The following FBN1 variants were observed in gnomAD, a reference collection of about 807,000 sequenced individuals.
FBN1 encodes fibrillin-1.
FBN1 carries 29 observed loss-of-function variants against 365.1 expected under a neutral mutation model. The observed-to-expected ratio is 0.08, with a 90% CI of 0.06 to 0.11. The LOEUF (loss-of-function observed/expected upper bound fraction) is 0.11. Ranked by LOEUF, FBN1 falls within the 10% of genes least tolerant of loss-of-function variation. FBN1 has a pLI of 1.00. For synonymous variants in FBN1, 1,210 were observed against 1,270.5 expected (o/e 0.95, Z 1.01); for missense variants, 2,476 against 3,703.2 (o/e 0.67, Z 8.60).
Position 48,518,398 on chromosome 15 carries a change from T to C in FBN1, c.1148-2036A>G, listed in dbSNP as rs542214901. 2.6e-5 allele frequency among the ~76,000 whole-genome samples: 4 copies of C among 152,370 alleles called. No homozygotes were observed. In the East Asian group the frequency reaches 7.7e-4, roughly 29 times the overall value. On this transcript the variant is annotated intron_variant, in intron 10 of 65. Coordinates refer to ENST00000316623, the MANE Select transcript of FBN1 (RefSeq NM_000138.5). Reference sequence around the variant, plus strand: ...CAGGAATTCATTAACTATGTGTTAATTTTATTAAATGACAGTTACATTAAG... The same window carrying C: ...CAGGAATTCATTAACTATGTGTTAACTTTATTAAATGACAGTTACATTAAG...
At chr15:48,633,100 G>C (rs1890018515) in intron 2 of FBN1, among the ~76,000 whole-genome samples, 1 of 152,144 alleles carries the variant, frequency 6.6e-6, no homozygotes, top group Admixed American at 6.5e-5. Context: ...GTTCTGCCTA[G>C]AATCATTGGA....
intron 63 of FBN1, among the ~76,000 whole-genome samples, chr15:48,420,364 A>AT (rs972149636): frequency 2.0e-5 from 3 of 152,126 alleles, no homozygotes; most frequent in Admixed American, 2.0e-4. Flanking sequence ...CATAAGTAAG[A>AT]TTTTTTGACC....
At position 48,441,665 on chromosome 15, in the gene FBN1, G is replaced by A. The variant is rs2043115926; in HGVS notation, c.6163+56C>T. 26 of 1,608,914 alleles carry A rather than the reference G, an allele frequency of 1.6e-5. No homozygotes were observed. The South Asian group carries it at 2.5e-4, about 16-fold the overall frequency. ...GAGCTTTGCCATGTTTGAAAAATAA[G>A]ACCACCACAAATAAACATGCAGCAT... On this transcript the variant is annotated intron_variant, in intron 50 of 65. Transcript: ENST00000316623.
At chr15:48,584,247 T>C (rs774072096) in intron 6 of FBN1, among the ~76,000 whole-genome samples, 1 of 152,136 alleles carries the variant, frequency 6.6e-6, no homozygotes, top group Non-Finnish European at 1.5e-5. Flanking sequence ...TTGTATAGAT[T>C]AGGAAACTGT....
intron 53 of FBN1, among the ~76,000 whole-genome samples, chr15:48,435,714 G>A (rs1017823390): frequency 6.8e-6 from 1 of 147,732 alleles, no homozygotes; most frequent in Middle Eastern, 3.4e-3. Context: ...ATATATATGT[G>A]TGTATATATA....
chr15:48,600,873 C>T (rs994968231), intron 4 of FBN1, among the ~76,000 whole-genome samples: 2 of 152,012 alleles, frequency 1.3e-5, no homozygotes, highest in African/African-American at 2.4e-5. Context: ...ATTATGATGG[C>T]AATAATTTTC....
At chr15:48,456,869 T>C (rs868260564) in intron 43 of FBN1, 107 bp from the exon 44 acceptor site, 18 of 1,086,420 alleles carry the variant, frequency 1.7e-5, no homozygotes, top group South Asian at 8.9e-5. Flanking sequence ...TGTGTGTGTG[T>C]GTGCGTGCAT....
At chr15:48,637,743 C>T (rs1374416757) in intron 2 of FBN1, among the ~76,000 whole-genome samples, 4 of 152,166 alleles carry the variant, frequency 2.6e-5, no homozygotes, top group Non-Finnish European at 5.9e-5. Context: ...CTAGATGTTC[C>T]TAGAGATAAA....
In FBN1 at chr15:48,487,365, C is replaced by A. The variant is rs137854456; in HGVS notation, c.3410G>T (p.Arg1137Leu). 2 of 1,614,150 alleles carry A rather than the reference C, an allele frequency of 1.2e-6. No homozygotes were observed. Among genetic ancestry groups the A allele is most frequent in the South Asian group, 1.1e-5 (1 of 91,076 alleles). ...CTGATGGCCAGGCGGGCATTCACAG[C>A]GGTAACTTCCCTCTGTGTTATGGCA... ...GVCHNTEGSY[R>L]CECPPGHQLS... Residue 1137 changes from arginine to leucine, a missense_variant, in exon 28 of 66, where the codon CGC becomes CTC. Arg to Leu is a moderately radical substitution (Grantham distance 102). Coordinates refer to ENST00000316623, the MANE Select transcript of FBN1 (RefSeq NM_000138.5).
rs563641604 is a variant in FBN1, at chr15:48,473,912, A to G, written c.4210+343T>C. ...CAGTCATATAATGATATATATGCCA[A>G]TTGTAACTATTATAAGGCCTAGCTG... On this transcript the variant is annotated intron_variant, in intron 34 of 65. Transcript: ENST00000316623. Among the ~76,000 whole-genome samples, 17 of 152,350 alleles carry G rather than the reference A, an allele frequency of 1.1e-4. 3 individuals carry two copies. In the South Asian group the frequency reaches 3.5e-3, roughly 32 times the overall value.
chr15:48,623,547 T>C (rs1889810220), intron 2 of FBN1, among the ~76,000 whole-genome samples: 1 of 152,070 alleles, frequency 6.6e-6, no homozygotes, highest in Non-Finnish European at 1.5e-5. Context: ...AGAAAAAAAA[T>C]CCCACAAGCA....
intron 7 of FBN1, 123 bp from the exon 8 acceptor site, chr15:48,534,328 T>C: frequency 9.9e-7 from 1 of 1,006,302 alleles, no homozygotes; most frequent in Non-Finnish European, 1.5e-6. Context: ...TATTTGTCCA[T>C]CACAATATTT....
chr15:48,630,342 G>A (rs1889961062), intron 2 of FBN1, among the ~76,000 whole-genome samples: 2 of 152,176 alleles, frequency 1.3e-5, no homozygotes, highest in Non-Finnish European at 1.5e-5. Flanking sequence ...ATGGAGGGAG[G>A]AAATCATTTA....
chr15:48,623,968 A>AACACACACACAC lies in FBN1; in HGVS notation c.165-10888_165-10877dup, dbSNP rs145521473. ...TCACATACACACACACAAAGACACAAACACACACACACACACACACACACA... is the reference window on the plus strand; with the variant it reads ...TCACATACACACACACAAAGACACAAACACACACACACACACACACACACACACACACACACA... On this transcript the variant is annotated intron_variant, in intron 2 of 65. Coordinates refer to ENST00000316623, the MANE Select transcript of FBN1 (RefSeq NM_000138.5). Among the ~76,000 whole-genome samples, 164 of 146,490 alleles carry AACACACACACAC rather than the reference A, an allele frequency of 1.1e-3. 1 individual carries two copies. The highest frequency in any genetic ancestry group is 1.7e-3 in the African/African-American group (68 of 40,124).
At chr15:48,537,252 AAAAATT>A (rs1468730598) in intron 7 of FBN1, among the ~76,000 whole-genome samples, 1 of 152,220 alleles carries the variant, frequency 6.6e-6, no homozygotes, top group Admixed American at 6.5e-5. Context: ...AATGAAGAAA[AAAAATT>A]AAGAAAAACA....
chr15:48,624,473 C>T (rs1889835476), intron 2 of FBN1, among the ~76,000 whole-genome samples: 1 of 152,226 alleles, frequency 6.6e-6, no homozygotes. Context: ...AAGTTGCTCC[C>T]ATACATGGGA....
At position 48,498,857 on chromosome 15, in the gene FBN1, T is replaced by C. The variant is rs547014519; in HGVS notation, c.2167+128A>G. 3.3e-6 allele frequency: 3 copies of C among 913,322 alleles called. No homozygotes were observed. The East Asian group carries it at 7.3e-5, about 22-fold the overall frequency. 56.6% of individuals were successfully genotyped at this position (913,322 alleles called of 1,614,324 possible). ...AAGGCTTCTGAGCATCCCAGATACA[T>C]GGCACAGTGATGGCCAGAGAGGGAG... On this transcript the variant is annotated intron_variant, in intron 18 of 65. Coordinates refer to ENST00000316623, the MANE Select transcript of FBN1 (RefSeq NM_000138.5).
At chr15:48,428,037 A>G in intron 57 of FBN1, 1 of 672,480 alleles carries the variant, frequency 1.5e-6, no homozygotes. Context: ...ATACAGGGGA[A>G]TAGCCATGCT....
At position 48,623,012 on chromosome 15, in the gene FBN1, A is replaced by T. The variant is rs112774983; in HGVS notation, c.165-9920T>A. 7.2e-5 allele frequency among the ~76,000 whole-genome samples: 11 copies of T among 152,330 alleles called. 1 individual carries two copies. The highest frequency in any genetic ancestry group is 2.6e-4 in the African/African-American group (11 of 41,570). On this transcript the variant is annotated intron_variant, in intron 2 of 65. Transcript: ENST00000316623. ...TATACTGTAGTTATATATTTAAAAC[A>T]ATTATATGTCTAGATCTCATCCCTG...
Sources: gnomAD v4.1 joint callset for allele counts (sites outside exome capture counted in the v4.1 genomes callset) on GRCh38, gnomAD v4.1.1 for gene constraint, MANE v1.5 for transcripts, NCBI Gene and HGNC (gene_info 2026-07-23, HGNC 2026-07-21) for gene names.